The following CNGB3 variants were observed in gnomAD, a reference collection of about 807,000 sequenced individuals.
The protein encoded by CNGB3 is cyclic nucleotide-gated channel beta-3.
Under a neutral mutation model 92.8 loss-of-function variants are expected in CNGB3, and 86 were observed. That is an observed-to-expected ratio of 0.93 (90% CI 0.78 to 1.11). The LOEUF (loss-of-function observed/expected upper bound fraction) is 1.11. Among genes scored for constraint, CNGB3 ranks in the 50% least tolerant of loss-of-function variants. CNGB3 has a pLI of 0.00. For synonymous variants in CNGB3, 333 were observed against 332.7 expected (o/e 1.00, Z -0.01); for missense variants, 1,026 against 956.8 (o/e 1.07, Z -0.95).
chr8:86,593,811 C>A, intron 15 of CNGB3: 1 of 1,267,712 alleles, frequency 7.9e-7, no homozygotes, highest in Non-Finnish European at 1.1e-6. Context: ...CGCAGCTTGT[C>A]CACATCTGTC....
Position 86,631,798 on chromosome 8 carries a change from A to G in CNGB3, c.1320+954T>C, listed in dbSNP as rs113972900. Among the ~76,000 whole-genome samples, 113 of 152,240 alleles carry G rather than the reference A, an allele frequency of 7.4e-4. 1 individual carries two copies. In the South Asian group the frequency reaches 0.011, roughly 15 times the overall value. On this transcript the variant is annotated intron_variant, in intron 11 of 17. Coordinates refer to ENST00000320005, the MANE Select transcript of CNGB3 (RefSeq NM_019098.5). Reference sequence around the variant, plus strand: ...ATTTCATTAACATGTTAAGGCTGGAACTGCCATATCCCCGTGTATCTGTAT... The same window carrying G: ...ATTTCATTAACATGTTAAGGCTGGAGCTGCCATATCCCCGTGTATCTGTAT...
rs753951890 is a variant in CNGB3, at chr8:86,611,579, T to G, written c.1662+9A>C. The G allele has an allele frequency of 1.9e-6, 3 of 1,604,882 alleles. No homozygotes were observed. Among genetic ancestry groups the G allele is most frequent in the South Asian group, 1.1e-5 (1 of 90,946 alleles). Reference sequence around the variant, plus strand: ...TTAGTTGTGCATTTGAAAAATAGCATGCACTCACCTTTTTGCAGACAAAGT... The same window carrying G: ...TTAGTTGTGCATTTGAAAAATAGCAGGCACTCACCTTTTTGCAGACAAAGT... On this transcript the variant is annotated intron_variant, in intron 14 of 17. Coordinates refer to ENST00000320005, the MANE Select transcript of CNGB3 (RefSeq NM_019098.5).
chr8:86,598,667 G>A (rs1462111626), intron 15 of CNGB3, among the ~76,000 whole-genome samples: 1 of 152,086 alleles, frequency 6.6e-6, no homozygotes, highest in Non-Finnish European at 1.5e-5. Flanking sequence ...GTGCTGCCAG[G>A]CATTTCTTGG....
intron 10 of CNGB3, among the ~76,000 whole-genome samples, chr8:86,639,149 G>A (rs1253733138): frequency 9.5e-6 from 1 of 105,596 alleles, no homozygotes; most frequent in Non-Finnish European, 1.8e-5. Context: ...ATGATGCCTT[G>A]TTTACTTCTC....
intron 13 of CNGB3, among the ~76,000 whole-genome samples, chr8:86,616,596 A>G (rs1473385960): frequency 2.0e-5 from 3 of 152,178 alleles, no homozygotes; most frequent in Non-Finnish European, 2.9e-5. Flanking sequence ...TTTCTGATGT[A>G]TGAAAAGACA....
intron 2 of CNGB3, among the ~76,000 whole-genome samples, chr8:86,736,003 A>G (rs1051095341): frequency 3.3e-5 from 5 of 152,082 alleles, no homozygotes; most frequent in Admixed American, 6.5e-5. Context: ...TTAACATAAT[A>G]TAAATGAAAT....
Position 86,666,976 on chromosome 8 carries a change from A to G in CNGB3, c.801T>C (p.Asp267=). 1 of 1,613,620 alleles carries G rather than the reference A, an allele frequency of 6.2e-7. No individual in the cohort carries two copies. The highest frequency in any genetic ancestry group is 8.5e-7 in the Non-Finnish European group (1 of 1,180,024). ...DIICDIIYLY[D]MLFIQPRLQF... ...GGAGTCTGGGCTGGATAAATAGCAT[A>G]TCATAAAGGTAGATGATATCACATA... Residue 267 remains aspartate, a synonymous_variant, in exon 6 of 18, where the codon GAT becomes GAC. Coordinates refer to ENST00000320005, the MANE Select transcript of CNGB3 (RefSeq NM_019098.5).
In CNGB3 at chr8:86,577,401, G is replaced by A. The variant is rs1048591961; in HGVS notation, c.2104-1271C>T. Reference sequence around the variant, plus strand: ...ATATTTGTGAAAATGTTGATAAAATGGGTTATTTATTTATATATCCATATG... The same window carrying A: ...ATATTTGTGAAAATGTTGATAAAATAGGTTATTTATTTATATATCCATATG... On this transcript the variant is annotated intron_variant, in intron 17 of 17. Coordinates refer to ENST00000320005, the MANE Select transcript of CNGB3 (RefSeq NM_019098.5). 2.6e-5 allele frequency among the ~76,000 whole-genome samples: 4 copies of A among 152,124 alleles called. 1 individual carries two copies. Among genetic ancestry groups the A allele is most frequent in the Non-Finnish European group, 5.9e-5 (4 of 68,024 alleles).
intron 3 of CNGB3, among the ~76,000 whole-genome samples, chr8:86,687,377 A>T (rs1247317251): frequency 1.3e-5 from 2 of 152,074 alleles, no homozygotes; most frequent in Admixed American, 6.6e-5. Context: ...GTACTGGCAC[A>T]TGCTATAATA....
intron 14 of CNGB3, among the ~76,000 whole-genome samples, chr8:86,605,027 G>A (rs7016667): frequency 0.041 from 6,280 of 152,138 alleles, 447 homozygotes; most frequent in African/African-American, 0.14. Flanking sequence ...AGCTTCCACC[G>A]GTGGAGATAT....
chr8:86,742,723 C>T (rs2131686662), intron 1 of CNGB3, among the ~76,000 whole-genome samples: 1 of 152,224 alleles, frequency 6.6e-6, no homozygotes, highest in South Asian at 2.1e-4. Context: ...TCACTTAGGA[C>T]TTAAACCTGT....
At chr8:86,684,029 T>C (rs1266191516) in intron 3 of CNGB3, among the ~76,000 whole-genome samples, 3 of 152,112 alleles carry the variant, frequency 2.0e-5, no homozygotes, top group Non-Finnish European at 4.4e-5. Context: ...AAAGATATTG[T>C]CATGTTAAAA....
At chr8:86,703,417 G>A (rs989318831) in intron 3 of CNGB3, among the ~76,000 whole-genome samples, 1 of 152,080 alleles carries the variant, frequency 6.6e-6, no homozygotes, top group Admixed American at 6.6e-5. Context: ...GAATTCACTG[G>A]GTGCACACAA....
intron 4 of CNGB3, 56 bp from the exon 5 acceptor site, chr8:86,668,224 TA>T: frequency 6.3e-7 from 1 of 1,586,690 alleles, no homozygotes; most frequent in Non-Finnish European, 8.6e-7. Flanking sequence ...TTAGTTTAGT[TA>T]AAAACTTGAA....
intron 7 of CNGB3, among the ~76,000 whole-genome samples, chr8:86,651,343 C>T (rs993729087): frequency 9.9e-5 from 15 of 151,614 alleles, no homozygotes; most frequent in African/African-American, 3.1e-4. Flanking sequence ...CAAAGCCTGC[C>T]GATATTGAAC....
rs145814323 is a variant in CNGB3, at chr8:86,598,370, T to G, written c.1781+5723A>C. 8.7e-4 allele frequency among the ~76,000 whole-genome samples: 133 copies of G among 152,310 alleles called. 1 individual carries two copies. The highest frequency in any genetic ancestry group is 2.9e-3 in the African/African-American group (122 of 41,574). On this transcript the variant is annotated intron_variant, in intron 15 of 17. Coordinates refer to ENST00000320005, the MANE Select transcript of CNGB3 (RefSeq NM_019098.5). ...TTTGTGACTTTCTTTGGTGGTAGGA[T>G]TGACAGGTGTTGAAGGCGGAGTGTC...
intron 17 of CNGB3, among the ~76,000 whole-genome samples, chr8:86,577,738 A>T (rs958772039): frequency 6.6e-6 from 1 of 152,166 alleles, no homozygotes; most frequent in African/African-American, 2.4e-5. Flanking sequence ...CCTAACACAC[A>T]TATTTTCTCT....
chr8:86,728,887 A>G (rs1409328708), intron 2 of CNGB3, among the ~76,000 whole-genome samples: 1 of 152,148 alleles, frequency 6.6e-6, no homozygotes, highest in African/African-American at 2.4e-5. Context: ...TGTACTGTAA[A>G]ACATTTCTTA....
intron 3 of CNGB3, among the ~76,000 whole-genome samples, chr8:86,725,456 T>C (rs936495874): frequency 3.3e-5 from 5 of 152,232 alleles, no homozygotes; most frequent in African/African-American, 1.2e-4. Context: ...ATTACAGTCC[T>C]TACCTCAGAG....
Sources: allele counts gnomAD v4.1 joint callset (sites outside exome capture counted in the v4.1 genomes callset), GRCh38; gene constraint gnomAD v4.1.1; transcripts MANE v1.5; gene names NCBI Gene and HGNC (gene_info 2026-07-23, HGNC 2026-07-21).